The following TGFB2 variants were observed in gnomAD, a reference collection of about 807,000 sequenced individuals.
TGFB2 encodes the protein transforming growth factor beta-2 proprotein.
A neutral mutation model predicts 42.7 loss-of-function variants in TGFB2; 13 were observed. The ratio of observed to expected loss-of-function variants is 0.30; its 90% confidence interval spans 0.20 to 0.48. The LOEUF is 0.48. Ranked by LOEUF, TGFB2 falls within the 20% of genes least tolerant of loss-of-function variation. TGFB2 has a pLI of 0.99. For missense variants in TGFB2, 390 were observed against 517.5 expected, an observed-to-expected ratio of 0.75 and a Z score of 2.39; for synonymous variants, 193 against 193.6, an observed-to-expected ratio of 1.00 and a Z score of 0.03.
chr1:218,419,880 T>C (rs1659398134), intron 2 of TGFB2, among the ~76,000 whole-genome samples: 1 of 152,182 alleles, frequency 6.6e-6, no homozygotes, highest in South Asian at 2.1e-4. Context: ...TTAATGAAAC[T>C]GATATTCTTG....
In TGFB2 at chr1:218,430,401, A is replaced by G. The variant is rs183003449; in HGVS notation, c.511-3681A>G. Reference sequence around the variant, plus strand: ...TAGAGTGAGACCCTGTCTCAAAAAAAAAAAAAGTATAAAGAAATTTAGAAG... The same window carrying G: ...TAGAGTGAGACCCTGTCTCAAAAAAGAAAAAAGTATAAAGAAATTTAGAAG... On this transcript the variant is annotated intron_variant, in intron 2 of 6. Coordinates refer to ENST00000366930, the MANE Select transcript of TGFB2 (RefSeq NM_003238.6). 1.1e-3 allele frequency among the ~76,000 whole-genome samples: 168 copies of G among 152,266 alleles called. 1 individual carries two copies. The highest frequency in any genetic ancestry group is 2.4e-3 in the African/African-American group (98 of 41,544).
chr1:218,419,157 C>G (rs1659373868), intron 2 of TGFB2, among the ~76,000 whole-genome samples: 1 of 152,120 alleles, frequency 6.6e-6, no homozygotes, highest in African/African-American at 2.4e-5. Context: ...CTGACCTGTT[C>G]CTTAGTCACC....
intron 1 of TGFB2, among the ~76,000 whole-genome samples, chr1:218,357,328 G>C (rs934921733): frequency 2.6e-5 from 4 of 152,128 alleles, no homozygotes; most frequent in African/African-American, 4.8e-5. Flanking sequence ...TATCAGAGAG[G>C]GGAAGCCACA....
At chr1:218,379,277 C>T (rs1157277527) in intron 1 of TGFB2, among the ~76,000 whole-genome samples, 2 of 151,536 alleles carry the variant, frequency 1.3e-5, no homozygotes, top group African/African-American at 2.4e-5. Flanking sequence ...GGACTACAGG[C>T]GCCCGCCACC....
intron 2 of TGFB2, among the ~76,000 whole-genome samples, chr1:218,407,109 T>G (rs570543665): frequency 3.9e-5 from 6 of 152,130 alleles, no homozygotes; most frequent in Non-Finnish European, 7.4e-5. Context: ...TCTTTTTCTG[T>G]TTTTTTGAGA....
intron 2 of TGFB2, among the ~76,000 whole-genome samples, chr1:218,406,643 A>G (rs1891467): frequency 0.34 from 52,218 of 151,942 alleles, 10,510 homozygotes; most frequent in East Asian, 0.67. Context: ...TGACATTTTG[A>G]TGAGGCCTTG....
chr1:218,424,777 CAAT>C (rs1160589274), intron 2 of TGFB2, among the ~76,000 whole-genome samples: 2 of 152,150 alleles, frequency 1.3e-5, no homozygotes, highest in South Asian at 2.1e-4. Flanking sequence ...TTCTGTGACT[CAAT>C]GATGTGTTGT....
In TGFB2 at chr1:218,405,160, T is replaced by A; in HGVS notation, c.347-9T>A. On this transcript the variant is annotated splice_polypyrimidine_tract_variant and intron_variant, in intron 1 of 6. Transcript: ENST00000366930. ...TATCATTTTCAATGATTGCCCTAAT[T>A]TTTTACAGATGCCATCCCGCCCACT... The A allele has an allele frequency of 6.4e-7, 1 of 1,566,512 alleles. No homozygotes were observed. The highest frequency in any genetic ancestry group is 1.8e-5 in the Admixed American group (1 of 54,326).
In TGFB2 at chr1:218,416,527, A is replaced by G. The variant is rs558777473; in HGVS notation, c.510+11195A>G. Among the ~76,000 whole-genome samples the G allele has an allele frequency of 3.3e-5, 5 of 152,324 alleles. No individual in the cohort carries two copies. The South Asian group carries it at 1.0e-3, about 32-fold the overall frequency. The stretch of plus-strand genomic sequence containing the variant: ...GTAGTGTTGATTTTTGAAGACTGCC[A>G]AAGTTCTATGGAAGAGGAAAATGAT... On this transcript the variant is annotated intron_variant, in intron 2 of 6. Coordinates refer to ENST00000366930, the MANE Select transcript of TGFB2 (RefSeq NM_003238.6).
Position 218,399,244 on chromosome 1 carries a change from T to A in TGFB2, c.347-5925T>A, listed in dbSNP as rs956464863. ...AAAAATAGTACAGAGAGTTCCTATA[T>A]ACCCTTCAACAGCTTCTCCTAATGA... is the stretch of plus-strand genomic sequence containing the variant. On this transcript the variant is annotated intron_variant, in intron 1 of 6. Coordinates refer to ENST00000366930, the MANE Select transcript of TGFB2 (RefSeq NM_003238.6). Among the ~76,000 whole-genome samples the A allele has an allele frequency of 1.1e-4, 16 of 152,252 alleles. 1 individual carries two copies. Among genetic ancestry groups the A allele is most frequent in the South Asian group, 1.0e-3 (5 of 4,830 alleles).
intron 1 of TGFB2, among the ~76,000 whole-genome samples, chr1:218,399,031 A>G (rs1658622451): frequency 6.6e-6 from 1 of 152,196 alleles, no homozygotes; most frequent in African/African-American, 2.4e-5. Flanking sequence ...TTACAGGCAC[A>G]TGCCACATCA....
intron 2 of TGFB2, among the ~76,000 whole-genome samples, chr1:218,428,394 A>T (rs1659694575): frequency 6.6e-6 from 1 of 152,106 alleles, no homozygotes; most frequent in African/African-American, 2.4e-5. Flanking sequence ...GGTGTTTTAG[A>T]CATGAAGTCC....
At chr1:218,425,286 C>A (rs1035856269) in intron 2 of TGFB2, among the ~76,000 whole-genome samples, 4 of 152,146 alleles carry the variant, frequency 2.6e-5, no homozygotes, top group African/African-American at 9.7e-5. Context: ...CGGCTCACCA[C>A]AAGCTCCGTC....
chr1:218,437,598 A>G, intron 6 of TGFB2, 102 bp downstream of exon 6: 3 of 1,276,866 alleles, frequency 2.3e-6, no homozygotes, highest in Non-Finnish European at 3.1e-6. Context: ...CTGTCTTACC[A>G]TCACACATGT....
chr1:218,379,487 C>CTTTTTTTTTTTTTTTTTTTT, intron 1 of TGFB2, among the ~76,000 whole-genome samples: 1 of 133,414 alleles, frequency 7.5e-6, no homozygotes, highest in Non-Finnish European at 1.6e-5. Flanking sequence ...TTCTTTCTTT[C>CTTTTTTTTTTTTTTTTTTTT]TTTTTTTTTT....
intron 1 of TGFB2, among the ~76,000 whole-genome samples, chr1:218,395,423 C>T (rs971553648): frequency 6.6e-6 from 1 of 152,132 alleles, no homozygotes; most frequent in African/African-American, 2.4e-5. Context: ...ATTTTGTTGC[C>T]ACCACGCTCC....
chr1:218,428,774 C>T (rs1659710058), intron 2 of TGFB2, among the ~76,000 whole-genome samples: 1 of 152,096 alleles, frequency 6.6e-6, no homozygotes, highest in African/African-American at 2.4e-5. Flanking sequence ...TAGCATGATG[C>T]TTCCAGCTTT....
chr1:218,416,995 T>C (rs181613388), intron 2 of TGFB2, among the ~76,000 whole-genome samples: 53 of 152,320 alleles, frequency 3.5e-4, no homozygotes, highest in Admixed American at 2.7e-3. Flanking sequence ...TAAACCCTTT[T>C]CTCTTATAAA....
At chr1:218,417,537 C>A (rs946095194) in intron 2 of TGFB2, among the ~76,000 whole-genome samples, 20 of 152,198 alleles carry the variant, frequency 1.3e-4, no homozygotes, top group African/African-American at 2.4e-4. Context: ...AAAAGAAAAT[C>A]TCATTTTCTG....
Sources: allele counts gnomAD v4.1 joint callset (sites outside exome capture counted in the v4.1 genomes callset), GRCh38; gene constraint gnomAD v4.1.1; transcripts MANE v1.5; gene names NCBI Gene and HGNC (gene_info 2026-07-23, HGNC 2026-07-21).